The following KCNH5 variants were observed in gnomAD, a reference collection of about 807,000 sequenced individuals.
KCNH5 encodes voltage-gated delayed rectifier potassium channel KCNH5.
In KCNH5, 46 loss-of-function variants were observed where a neutral mutation model predicts 96.1. That is an observed-to-expected ratio of 0.48 (90% CI 0.38 to 0.61). KCNH5 has a LOEUF of 0.61. KCNH5 is among the 20% of genes least tolerant of loss of function. KCNH5 has a pLI of 0.00. For missense variants in KCNH5, 907 were observed against 1,225.8 expected, an observed-to-expected ratio of 0.74 and a Z score of 3.88; for synonymous variants, 439 against 449.8, an observed-to-expected ratio of 0.98 and a Z score of 0.30.
At chr14:62,965,127 T>A (rs576369935) in intron 6 of KCNH5, among the ~76,000 whole-genome samples, 1 of 152,074 alleles carries the variant, frequency 6.6e-6, no homozygotes, top group African/African-American at 2.4e-5. Flanking sequence ...AAGGGATTTG[T>A]TTTTTTCATT....
At position 62,833,415 on chromosome 14, in the gene KCNH5, C is replaced by T. The variant is rs993287150; in HGVS notation, c.1569+16238G>A. On this transcript the variant is annotated intron_variant, in intron 8 of 10. Transcript: ENST00000322893. ...GAGGCTATCCTTTCCCCACTATGTACTACTGAAGCTTTTGTCAACGATTAG... is the reference window on the plus strand; with the variant it reads ...GAGGCTATCCTTTCCCCACTATGTATTACTGAAGCTTTTGTCAACGATTAG... Among the ~76,000 whole-genome samples the T allele has an allele frequency of 4.6e-5, 7 of 152,092 alleles. No homozygotes were observed. In the East Asian group the frequency reaches 1.4e-3, roughly 29 times the overall value.
In KCNH5 at chr14:62,954,387, G is replaced by A. The variant is rs17100569; in HGVS notation, c.943-3828C>T. On this transcript the variant is annotated intron_variant, in intron 6 of 10. Coordinates refer to ENST00000322893, the MANE Select transcript of KCNH5 (RefSeq NM_139318.5). ...ACACTTACTACAAGTCTGTTTGCAT[G>A]TATGACATTCCAGGAAACTCCTTAA... Among the ~76,000 whole-genome samples the A allele has an allele frequency of 8.6e-3, 1,308 of 152,262 alleles. 15 individuals carry two copies. The highest frequency in any genetic ancestry group is 0.03 in the African/African-American group (1,235 of 41,548).
At chr14:62,885,172 C>G (rs1049985851) in intron 7 of KCNH5, among the ~76,000 whole-genome samples, 1 of 152,094 alleles carries the variant, frequency 6.6e-6, no homozygotes, top group African/African-American at 2.4e-5. Flanking sequence ...TTTTAAAAAA[C>G]ATAATTAAGA....
chr14:62,713,520 G>A (rs1327435711), intron 10 of KCNH5, among the ~76,000 whole-genome samples: 3 of 152,160 alleles, frequency 2.0e-5, no homozygotes, highest in African/African-American at 7.2e-5. Flanking sequence ...TCTAGCTTAT[G>A]AGAAAACAAA....
At chr14:62,752,887 A>G (rs1237825952) in intron 10 of KCNH5, among the ~76,000 whole-genome samples, 2 of 152,204 alleles carry the variant, frequency 1.3e-5, no homozygotes, top group Non-Finnish European at 2.9e-5. Flanking sequence ...CTTCCCAGTC[A>G]TGCAGAACTA....
intron 7 of KCNH5, among the ~76,000 whole-genome samples, chr14:62,909,449 AAATT>A (rs1889107553): frequency 6.6e-6 from 1 of 152,222 alleles, no homozygotes; most frequent in African/African-American, 2.4e-5. Context: ...AGTCCTAAAT[AAATT>A]ATTAGCAAAT....
chr14:62,823,133 A>C (rs1595639694), intron 8 of KCNH5, among the ~76,000 whole-genome samples: 1 of 151,288 alleles, frequency 6.6e-6, no homozygotes, highest in Admixed American at 6.6e-5. Context: ...GTGACCCTGG[A>C]CTCCTCTGTG....
At chr14:62,908,998 G>T in intron 7 of KCNH5, among the ~76,000 whole-genome samples, 1 of 143,236 alleles carries the variant, frequency 7.0e-6, no homozygotes, top group South Asian at 2.2e-4. Flanking sequence ...CTGTAGCCAA[G>T]CTGCTCTCAA....
chr14:63,031,669 G>C (rs1891628854), intron 1 of KCNH5, among the ~76,000 whole-genome samples: 1 of 152,132 alleles, frequency 6.6e-6, no homozygotes, highest in South Asian at 2.1e-4. Flanking sequence ...GGGATCTAAT[G>C]CACAACATGA....
intron 9 of KCNH5, among the ~76,000 whole-genome samples, chr14:62,781,520 C>A (rs1034648436): frequency 6.6e-6 from 1 of 152,094 alleles, no homozygotes; most frequent in African/African-American, 2.4e-5. Flanking sequence ...CAGTCTCGAC[C>A]GTAAGAGACG....
intron 8 of KCNH5, among the ~76,000 whole-genome samples, chr14:62,841,548 C>G (rs1368475059): frequency 1.3e-5 from 2 of 152,144 alleles, no homozygotes; most frequent in East Asian, 3.9e-4. Flanking sequence ...ATATGTCATT[C>G]ATCCAAATTA....
rs142313993 is a variant in KCNH5, at chr14:62,960,273, A to G, written c.943-9714T>C. Among the ~76,000 whole-genome samples the G allele has an allele frequency of 1.8e-3, 278 of 152,238 alleles. 1 individual carries two copies. The highest frequency in any genetic ancestry group is 6.5e-3 in the African/African-American group (269 of 41,546). ...TTTCTGATCTAGATCAGGTCATTTC[A>G]TTATATAATCTCAAAGGACCATGTA... On this transcript the variant is annotated intron_variant, in intron 6 of 10. Transcript: ENST00000322893.
chr14:62,766,222 G>A (rs73271187), intron 10 of KCNH5, among the ~76,000 whole-genome samples: 4,440 of 152,196 alleles, frequency 0.029, 160 homozygotes, highest in East Asian at 0.092. Flanking sequence ...TGTGCACTGT[G>A]GGTGAGAATG....
intron 8 of KCNH5, among the ~76,000 whole-genome samples, chr14:62,809,621 CAG>C (rs987470154): frequency 2.6e-5 from 4 of 152,080 alleles, no homozygotes; most frequent in Non-Finnish European, 5.9e-5. Flanking sequence ...CCTTATGAAA[CAG>C]AGTTCTATCA....
rs538526742 is a variant in KCNH5, at chr14:62,892,439, T to C, written c.1370-42587A>G. Among the ~76,000 whole-genome samples the C allele has an allele frequency of 4.6e-5, 7 of 152,290 alleles. No individual in the cohort carries two copies. The South Asian group carries it at 1.5e-3, about 32-fold the overall frequency. On this transcript the variant is annotated intron_variant, in intron 7 of 10. Coordinates refer to ENST00000322893, the MANE Select transcript of KCNH5 (RefSeq NM_139318.5). ...TCCAGAGGTTTAAATAAAGAAGCCA[T>C]TTCCATAACATGAAAGTGCAAGGTG...
At chr14:62,743,750 A>G (rs188968051) in intron 10 of KCNH5, among the ~76,000 whole-genome samples, 1 of 152,158 alleles carries the variant, frequency 6.6e-6, no homozygotes, top group East Asian at 1.9e-4. Flanking sequence ...ACAAAGTGTC[A>G]TATCTCTGGA....
At chr14:62,818,045 T>G (rs577139421) in intron 8 of KCNH5, among the ~76,000 whole-genome samples, 121 of 130,986 alleles carry the variant, frequency 9.2e-4, no homozygotes, top group South Asian at 2.4e-3. Flanking sequence ...CTCACCTATA[T>G]GTGGAATCTA....
chr14:62,744,547 C>A (rs1035350177), intron 10 of KCNH5, among the ~76,000 whole-genome samples: 2 of 152,100 alleles, frequency 1.3e-5, no homozygotes, highest in African/African-American at 4.8e-5. Flanking sequence ...GACAACAAAT[C>A]AAATGTAAAA....
intron 6 of KCNH5, among the ~76,000 whole-genome samples, chr14:62,955,631 C>T (rs546336557): frequency 1.3e-5 from 2 of 152,158 alleles, no homozygotes; most frequent in African/African-American, 4.8e-5. Flanking sequence ...CTTATCCAAC[C>T]ACATGAATAC....
Sources: allele counts gnomAD v4.1 joint callset (sites outside exome capture counted in the v4.1 genomes callset), GRCh38; gene constraint gnomAD v4.1.1; transcripts MANE v1.5; gene names NCBI Gene and HGNC (gene_info 2026-07-23, HGNC 2026-07-21).